Variants in MTRR observed in about 807,000 individuals in gnomAD.
The protein encoded by MTRR is 5-methyltetrahydrofolate-homocysteine methyltransferase reductase.
MTRR carries 63 observed loss-of-function variants against 79.2 expected under a neutral mutation model. The ratio of observed to expected loss-of-function variants is 0.80; its 90% CI spans 0.65 to 0.98. MTRR has a LOEUF of 0.98. MTRR is among the 50% of genes least tolerant of loss of function. MTRR has a pLI of 0.00. For missense variants in MTRR, 895 were observed against 839.6 expected, an observed-to-expected ratio of 1.07 and a Z score of -0.82; for synonymous variants, 355 against 313.3, an observed-to-expected ratio of 1.13 and a Z score of -1.41.
intron 5 of MTRR, 120 bp from the exon 6 acceptor site, chr5:7,883,035 G>T: frequency 7.7e-7 from 1 of 1,302,580 alleles, no homozygotes; most frequent in Admixed American, 1.8e-5. Context: ...ATTTACCTTG[G>T]AAATGAATAC....
At chr5:7,869,042 A>G (rs1284455249), upstream of MTRR, 6 of 1,477,112 alleles carry the variant, frequency 4.1e-6, no homozygotes, top group African/African-American at 1.4e-5. Context: ...GGGCCTCCGT[A>G]GCAAACGCGG....
intron 6 of MTRR, 48 bp from the exon 7 acceptor site, chr5:7,885,653 G>A (rs1736286179): frequency 6.4e-7 from 1 of 1,558,614 alleles, no homozygotes; most frequent in Non-Finnish European, 8.8e-7. Flanking sequence ...CTTAAACTAT[G>A]TAACACGTAT....
intron 5 of MTRR, among the ~76,000 whole-genome samples, chr5:7,880,883 C>G (rs539671208): frequency 1.3e-5 from 2 of 152,144 alleles, no homozygotes; most frequent in Admixed American, 1.3e-4. Context: ...TTCATTTGAA[C>G]CCCCTCTTAA....
intron 8 of MTRR, 93 bp from the exon 9 acceptor site, chr5:7,889,002 A>G: frequency 1.4e-6 from 2 of 1,450,796 alleles, no homozygotes; most frequent in Non-Finnish European, 1.9e-6. Context: ...TTCTTGGGTA[A>G]TTGGGTGCAT....
At chr5:7,854,405 C>T (rs752609391) in intron 1 of MTRR, among the ~76,000 whole-genome samples, 10 of 151,838 alleles carry the variant, frequency 6.6e-5, no homozygotes, top group Admixed American at 2.6e-4. Context: ...TATTAACTCA[C>T]GTGATCACAA....
upstream of MTRR, chr5:7,867,520 C>CA (rs762444352): frequency 6.2e-7 from 1 of 1,614,236 alleles, no homozygotes; most frequent in Non-Finnish European, 8.5e-7. Context: ...GATCCACATG[C>CA]AACAGAATCA....
At chr5:7,892,148 T>G (rs138121355) in intron 10 of MTRR, among the ~76,000 whole-genome samples, 176 of 152,358 alleles carry the variant, frequency 1.2e-3, no homozygotes, top group African/African-American at 3.9e-3. Flanking sequence ...GCTCTCTGTT[T>G]TGCCTTTCAG....
chr5:7,867,001 C>A, upstream of MTRR: 1 of 1,614,116 alleles, frequency 6.2e-7, no homozygotes, highest in Non-Finnish European at 8.5e-7. Context: ...TGAGGCACAC[C>A]GCAGCTACAC....
At chr5:7,877,881 G>C (rs957503900) in intron 4 of MTRR, 63 bp from the exon 5 acceptor site, 14 of 1,597,496 alleles carry the variant, frequency 8.8e-6, no homozygotes, top group Admixed American at 8.3e-5. Context: ...TCATTATCCT[G>C]TTCTGTGTTC....
chr5:7,885,590 A>G, intron 6 of MTRR, 111 bp from the exon 7 acceptor site: 1 of 979,022 alleles, frequency 1.0e-6, no homozygotes, highest in Non-Finnish European at 1.5e-6. Flanking sequence ...CTATTTTCTG[A>G]GTTCACATAT....
At chr5:7,882,694 A>G (rs982637321) in intron 5 of MTRR, among the ~76,000 whole-genome samples, 2 of 152,216 alleles carry the variant, frequency 1.3e-5, no homozygotes, top group South Asian at 2.1e-4. Flanking sequence ...TTAGTTTCTT[A>G]GTGACACTAC....
chr5:7,859,252 A>T, intron 1 of MTRR: 1 of 382,406 alleles, frequency 2.6e-6, no homozygotes, highest in Non-Finnish European at 4.6e-6. Flanking sequence ...GTATTAAATT[A>T]AAATTAATTT....
intron 2 of MTRR, among the ~76,000 whole-genome samples, chr5:7,872,941 G>A (rs1003902616): frequency 3.3e-5 from 5 of 152,114 alleles, no homozygotes; most frequent in Non-Finnish European, 7.3e-5. Context: ...TCTTAGCAGT[G>A]CTGATTTGCC....
Position 7,896,953 on chromosome 5 carries a change from T to G in MTRR, c.1766T>G (p.Phe589Cys). 1 of 1,613,992 alleles carries G rather than the reference T, an allele frequency of 6.2e-7. No individual in the cohort carries two copies. The highest frequency in any genetic ancestry group is 8.5e-7 in the Non-Finnish European group (1 of 1,179,852). ...AGGCATAAGGATAGGGATTATCTAT[T>G]CAGGTATTGTACAATTCCAGTATTG... ...GCRHKDRDYL[F>C]RKELRHFLKH... Residue 589 changes from phenylalanine to cysteine, a missense_variant, in exon 13 of 15, where the codon TTC (phenylalanine) becomes TGC (cysteine). Phe to Cys is a radical substitution (Grantham distance 205, BLOSUM62 -2). Coordinates refer to ENST00000440940, the MANE Select transcript of MTRR (RefSeq NM_002454.3).
rs769637305 is a variant in MTRR at position 7,873,498 on chromosome 5, C to A, written c.255C>A (p.Phe85Leu). 29 of 1,614,136 alleles carry A rather than the reference C, an allele frequency of 1.8e-5. No individual in the cohort carries two copies. The highest frequency in any genetic ancestry group is 2.4e-5 in the Non-Finnish European group (28 of 1,180,006). Reference sequence around the variant, plus strand: ...AGAACCAAACACTGCCGGTTGATTTCTTTGCTCACCTGCGGTATGGGTTAC... The same window carrying A: ...AGAACCAAACACTGCCGGTTGATTTATTTGCTCACCTGCGGTATGGGTTAC... ...EIQNQTLPVD[F>L]FAHLRYGLLG... is the part of the protein sequence containing the mutation. The change falls in exon 3 of 15, where the codon TTC becomes TTA. Residue 85 changes from phenylalanine to leucine, a missense_variant. Phe to Leu is a conservative substitution (Grantham distance 22). Coordinates refer to ENST00000440940, the MANE Select transcript of MTRR (RefSeq NM_002454.3).
At chr5:7,850,910 G>T, upstream of MTRR, 1 of 1,361,114 alleles carries the variant, frequency 7.3e-7, no homozygotes, top group Non-Finnish European at 9.5e-7. Flanking sequence ...TGCTCTTTGG[G>T]GTCCAGGCGC....
intron 9 of MTRR, among the ~76,000 whole-genome samples, chr5:7,889,687 T>C (rs973246929): frequency 3.3e-5 from 5 of 152,202 alleles, no homozygotes; most frequent in African/African-American, 1.2e-4. Context: ...TTTTCAAAGC[T>C]AACGAACATC....
chr5:7,869,189 G>A lies in MTRR; in HGVS notation c.-52G>A. On this transcript the variant is annotated 5_prime_UTR_variant, in exon 1 of 15. Coordinates refer to ENST00000440940, the MANE Select transcript of MTRR (RefSeq NM_002454.3). ...AGGTTGGTGGAAGTCGCGTTGTGCA[G>A]GTTCGTGCCCGGCTGGCGCGGCGTG... is the stretch of plus-strand genomic sequence containing the variant. The A allele has an allele frequency of 1.9e-6, 3 of 1,610,754 alleles. No homozygotes were observed. The highest frequency in any genetic ancestry group is 2.2e-5 in the East Asian group (1 of 44,868).
rs6413427 is a variant in MTRR at position 7,870,933 on chromosome 5, G to C, written c.129+10G>C. The C allele has an allele frequency of 6.2e-7, 1 of 1,614,110 alleles. No homozygotes were observed. The highest frequency in any genetic ancestry group is 8.5e-7 in the Non-Finnish European group (1 of 1,179,974). ...TAGTGAATCCGATAAGGTTAGAGCC[G>C]TTACAGTGGATTTTACCGTTTTGTG... On this transcript the variant is annotated intron_variant, in intron 2 of 14. Transcript: ENST00000440940.
Sources: allele counts gnomAD v4.1 joint callset (sites outside exome capture counted in the v4.1 genomes callset), GRCh38; gene constraint gnomAD v4.1.1; transcripts MANE v1.5; gene names NCBI Gene and HGNC (gene_info 2026-07-23, HGNC 2026-07-21).